COL11A1: variants seen among roughly 807,000 people sequenced by gnomAD.
The protein encoded by COL11A1 is collagen alpha-1(XI) chain.
In COL11A1, 74 loss-of-function variants were observed where a neutral mutation model predicts 265.2. The ratio of observed to expected loss-of-function variants is 0.28; its 90% CI spans 0.23 to 0.34. The LOEUF is 0.34. Among genes scored for constraint, COL11A1 ranks in the 10% least tolerant of loss-of-function variants. The probability of loss-of-function intolerance (pLI) is 1.00; values close to 1 mark genes in which losing one functional copy is unlikely to be tolerated. For missense variants in COL11A1, 2,165 were observed against 2,263.6 expected, an observed-to-expected ratio of 0.96 and a Z score of 0.88; for synonymous variants, 816 against 727.6, an observed-to-expected ratio of 1.12 and a Z score of -1.96.
intron 5 of COL11A1, among the ~76,000 whole-genome samples, chr1:103,028,447 A>AAG (rs1271378221): frequency 6.6e-6 from 1 of 152,160 alleles, no homozygotes; most frequent in East Asian, 1.9e-4. Flanking sequence ...TTCGCAATAT[A>AAG]TATACATTGC....
intron 46 of COL11A1, among the ~76,000 whole-genome samples, chr1:102,925,621 G>A (rs1307078284): frequency 6.6e-6 from 1 of 151,852 alleles, no homozygotes; most frequent in Non-Finnish European, 1.5e-5. Context: ...TGAAGTTTCT[G>A]GAAGAAAAAG....
chr1:102,930,336 T>C, intron 46 of COL11A1, among the ~76,000 whole-genome samples: 1 of 151,936 alleles, frequency 6.6e-6, no homozygotes. Context: ...TTTTTCTGCA[T>C]CTATTGAGAT....
chr1:102,917,205 A>G (rs903072600), intron 49 of COL11A1, among the ~76,000 whole-genome samples: 2 of 151,918 alleles, frequency 1.3e-5, no homozygotes, highest in South Asian at 4.1e-4. Flanking sequence ...CAGCAAACTA[A>G]TCTTTGACAA....
chr1:103,047,173 A>G (rs188960681), intron 4 of COL11A1, among the ~76,000 whole-genome samples: 155 of 152,286 alleles, frequency 1.0e-3, no homozygotes, highest in African/African-American at 3.7e-3. Flanking sequence ...TGGGGACGGC[A>G]TTGAATCTGT....
At chr1:102,963,828 A>G (rs1265223397) in intron 38 of COL11A1, among the ~76,000 whole-genome samples, 2 of 152,186 alleles carry the variant, frequency 1.3e-5, no homozygotes, top group Non-Finnish European at 2.9e-5. Context: ...ACAGTAAGGA[A>G]TACAGAATTA....
intron 4 of COL11A1, among the ~76,000 whole-genome samples, chr1:103,037,668 A>T (rs1395150314): frequency 6.6e-6 from 1 of 152,192 alleles, no homozygotes; most frequent in Non-Finnish European, 1.5e-5. Context: ...TATAATTGAA[A>T]AATGATCTTC....
chr1:102,914,957 T>G, intron 50 of COL11A1, 146 bp from the exon 51 acceptor site: 1 of 678,400 alleles, frequency 1.5e-6, no homozygotes, highest in Non-Finnish European at 2.5e-6. Flanking sequence ...CAAGTTGGAG[T>G]GTAGTGGCAC....
intron 6 of COL11A1, 57 bp downstream of exon 6, chr1:103,026,159 A>T: frequency 1.5e-6 from 2 of 1,303,020 alleles, no homozygotes; most frequent in Non-Finnish European, 1.1e-6. Flanking sequence ...CAACATAAGG[A>T]ACCACAGGAT....
chr1:103,054,603 GAAA>G (rs144474640), intron 4 of COL11A1, among the ~76,000 whole-genome samples: 1 of 150,652 alleles, frequency 6.6e-6, no homozygotes, highest in Non-Finnish European at 1.5e-5. Context: ...CTAAAAAAAA[GAAA>G]AAAAAAGCCA....
rs186948675 is a variant in COL11A1 at position 102,935,588 on chromosome 1, A to G, written c.3439-475T>C. Among the ~76,000 whole-genome samples the G allele has an allele frequency of 3.3e-3, 499 of 152,332 alleles. 2 individuals are homozygous for G. The highest frequency in any genetic ancestry group is 5.5e-3 in the Non-Finnish European group (377 of 68,024). On this transcript the variant is annotated intron_variant, in intron 44 of 66. Coordinates refer to ENST00000370096, the MANE Select transcript of COL11A1 (RefSeq NM_001854.4). ...TTGGAATTTTCACATATGCGTACACATGTAAACTAATTGTTATATATTAAG... is the reference window on the plus strand; with the variant it reads ...TTGGAATTTTCACATATGCGTACACGTGTAAACTAATTGTTATATATTAAG...
At chr1:103,083,379 A>G (rs1672592573) in intron 1 of COL11A1, among the ~76,000 whole-genome samples, 1 of 152,082 alleles carries the variant, frequency 6.6e-6, no homozygotes, top group African/African-American at 2.4e-5. Flanking sequence ...AATAATTCCA[A>G]GTAATAACAT....
At chr1:102,930,225 G>T (rs1461922256) in intron 46 of COL11A1, among the ~76,000 whole-genome samples, 2 of 151,458 alleles carry the variant, frequency 1.3e-5, no homozygotes, top group African/African-American at 2.4e-5. Flanking sequence ...ATTGGCTGTG[G>T]GTTTGTCATA....
chr1:103,011,643 A>G (rs1264004373), intron 14 of COL11A1, among the ~76,000 whole-genome samples: 1 of 152,072 alleles, frequency 6.6e-6, no homozygotes, highest in Non-Finnish European at 1.5e-5. Flanking sequence ...AGTGTCTACT[A>G]TGTACAATAC....
chr1:103,066,454 A>G (rs114087390), intron 4 of COL11A1, among the ~76,000 whole-genome samples: 1,748 of 151,728 alleles, frequency 0.012, 41 homozygotes, highest in African/African-American at 0.04. Context: ...TACAAATTTT[A>G]CAATTATTAT....
At chr1:102,899,378 G>A (rs1361290940) in intron 54 of COL11A1, among the ~76,000 whole-genome samples, 1 of 151,948 alleles carries the variant, frequency 6.6e-6, no homozygotes, top group Non-Finnish European at 1.5e-5. Flanking sequence ...ATTCTCATAT[G>A]TGTTTTAAGA....
intron 57 of COL11A1, among the ~76,000 whole-genome samples, chr1:102,891,612 C>A (rs1570644368): frequency 6.6e-6 from 1 of 151,388 alleles, no homozygotes; most frequent in East Asian, 1.9e-4. Flanking sequence ...CAATGGCTCA[C>A]ACCTGTAATC....
At chr1:103,084,473 T>G (rs1443341802) in intron 1 of COL11A1, among the ~76,000 whole-genome samples, 1 of 152,142 alleles carries the variant, frequency 6.6e-6, no homozygotes, top group African/African-American at 2.4e-5. Flanking sequence ...CAATCCAAGT[T>G]TCTTTCAACA....
intron 54 of COL11A1, among the ~76,000 whole-genome samples, chr1:102,903,692 C>G (rs1044955851): frequency 1.3e-5 from 2 of 152,152 alleles, no homozygotes; most frequent in Non-Finnish European, 2.9e-5. Flanking sequence ...ATTGCTGCAT[C>G]AGATATTGAA....
chr1:102,890,548 G>C, intron 57 of COL11A1, 44 bp from the exon 58 acceptor site: 3 of 1,530,296 alleles, frequency 2.0e-6, no homozygotes, highest in Non-Finnish European at 2.7e-6. Flanking sequence ...AAACAGAGTA[G>C]GTATGAATTA....
Sources: allele counts gnomAD v4.1 joint callset (sites outside exome capture counted in the v4.1 genomes callset), GRCh38; gene constraint gnomAD v4.1.1; transcripts MANE v1.5; gene names NCBI Gene and HGNC (gene_info 2026-07-23, HGNC 2026-07-21).